Variants in CELF2 observed in about 807,000 individuals in gnomAD.
CELF2 encodes the protein CUGBP Elav-like family member 2.
CELF2 carries 8 observed loss-of-function variants against 62.6 expected under a neutral mutation model. The ratio of observed to expected loss-of-function variants is 0.13; its 90% CI spans 0.07 to 0.23. The LOEUF (loss-of-function observed/expected upper bound fraction) is 0.23. Among genes scored for constraint, CELF2 ranks in the 10% least tolerant of loss-of-function variants. The probability of loss-of-function intolerance (pLI) is 1.00; values close to 1 mark genes in which losing one functional copy is unlikely to be tolerated. For missense variants in CELF2, 333 were observed against 671.0 expected (o/e 0.50, Z 5.56); for synonymous variants, 258 against 250.0 (o/e 1.03, Z -0.30).
Position 11,315,738 on chromosome 10 carries a change from G to A in CELF2, c.1096+1480G>A, listed in dbSNP as rs1466775739. On this transcript the variant is annotated intron_variant, in intron 10 of 12. Coordinates refer to ENST00000633077, the MANE Select transcript of CELF2 (RefSeq NM_001326342.2). The surrounding 1 kb of genome is among the most constrained non-coding windows in gnomAD (Gnocchi z 5.8). The stretch of plus-strand genomic sequence containing the variant: ...TTTATTCCAGTTAGAACCGCCTCCA[G>A]CTTTGACTTTTCCAGCAGCCAAGTA... Among the ~76,000 whole-genome samples the A allele has an allele frequency of 6.6e-6, 1 of 152,200 alleles. No homozygotes were observed. Among genetic ancestry groups the A allele is most frequent in the African/African-American group, 2.4e-5 (1 of 41,454 alleles).
Position 11,039,673 on chromosome 10 carries a change from G to A in CELF2, c.74+21510G>A, listed in dbSNP as rs995951104. Among the ~76,000 whole-genome samples, 3 of 152,162 alleles carry A rather than the reference G, an allele frequency of 2.0e-5. No individual in the cohort carries two copies. Among genetic ancestry groups the A allele is most frequent in the African/African-American group, 7.2e-5 (3 of 41,438 alleles). ...CCACTCAATGGAAGATAGGTTAAGTGTACTTCATAATTTTGATCATTGAAC... is the reference window on the plus strand; with the variant it reads ...CCACTCAATGGAAGATAGGTTAAGTATACTTCATAATTTTGATCATTGAAC... On this transcript the variant is annotated intron_variant, in intron 1 of 12. Transcript: ENST00000633077. This position sits in a 1 kb window ranked among gnomAD's most constrained non-coding sequence, Gnocchi z 4.1.
chr10:11,026,382 C>T (rs946546232), intron 1 of CELF2, among the ~76,000 whole-genome samples: 3 of 152,324 alleles, frequency 2.0e-5, no homozygotes, highest in East Asian at 1.9e-4. Context: ...CCGCCTCCCC[C>T]GCCACACACA....
the CELF2 span, among the ~76,000 whole-genome samples, chr10:10,593,099 A>G: frequency 3.3e-4 from 50 of 152,296 alleles, no homozygotes; most frequent in African/African-American, 1.1e-3. Context: ...CACAGCCAAC[A>G]AGCAGAGTGC....
chr10:10,635,054 C>T, the CELF2 span, among the ~76,000 whole-genome samples: 1 of 152,114 alleles, frequency 6.6e-6, no homozygotes, highest in Non-Finnish European at 1.5e-5. Flanking sequence ...GCAATTAAAT[C>T]CCACAAGTGC....
intron 12 of CELF2, among the ~76,000 whole-genome samples, chr10:11,327,429 T>C (rs549099980): frequency 6.6e-6 from 1 of 152,344 alleles, no homozygotes; most frequent in African/African-American, 2.4e-5. Context: ...TAGCTGTTAG[T>C]GTCAGCAGAC....
chr10:11,038,347 A>T (rs2061303683), intron 1 of CELF2, among the ~76,000 whole-genome samples: 1 of 152,236 alleles, frequency 6.6e-6, no homozygotes, highest in Non-Finnish European at 1.5e-5. Context: ...CTAAGAATGC[A>T]TCTAAAGTGG....
At chr10:11,001,985 T>A (rs12412479), upstream of CELF2, among the ~76,000 whole-genome samples, 40 of 152,316 alleles carry the variant, frequency 2.6e-4, no homozygotes, top group Non-Finnish European at 4.4e-4. Flanking sequence ...AGTCAGAAAC[T>A]GCTTAAGCAA....
At chr10:10,547,673 T>TAGAGAGAGAGAGAGAGAG in the CELF2 span, among the ~76,000 whole-genome samples, 1 of 135,260 alleles carries the variant, frequency 7.4e-6, no homozygotes, top group African/African-American at 2.9e-5. Context: ...ACCAAAAAGA[T>TAGAGAGAGAGAGAGAGAG]AGAGAGAGAG....
At chr10:10,734,531 G>A in the CELF2 span, among the ~76,000 whole-genome samples, 1 of 152,184 alleles carries the variant, frequency 6.6e-6, no homozygotes, top group Admixed American at 6.5e-5. Context: ...AAGCCTGGAT[G>A]TCCTCTGTAA....
chr10:10,833,084 T>A (rs2058009241), intron 1 of CELF2, among the ~76,000 whole-genome samples: 1 of 151,194 alleles, frequency 6.6e-6, no homozygotes, highest in Non-Finnish European at 1.5e-5. Flanking sequence ...AAGAAAAAAA[T>A]TTAGCAAAAA....
At chr10:10,920,547 G>T (rs994893516) in intron 2 of CELF2, among the ~76,000 whole-genome samples, 2 of 152,186 alleles carry the variant, frequency 1.3e-5, no homozygotes, top group Non-Finnish European at 2.9e-5. Context: ...ATTGATCATT[G>T]TGCTTTATAT....
At chr10:10,517,795 C>G in the CELF2 span, among the ~76,000 whole-genome samples, 1 of 152,168 alleles carries the variant, frequency 6.6e-6, no homozygotes, top group Non-Finnish European at 1.5e-5. Flanking sequence ...AAAAGCAATC[C>G]CACTATGGCA....
At chr10:11,221,471 A>G (rs945468228) in intron 3 of CELF2, among the ~76,000 whole-genome samples, 1 of 152,264 alleles carries the variant, frequency 6.6e-6, no homozygotes, top group African/African-American at 2.4e-5. Context: ...TTCAATAATC[A>G]GATGTCAGGG....
intron 1 of CELF2, among the ~76,000 whole-genome samples, chr10:11,040,101 A>T (rs1003247333): frequency 6.6e-6 from 1 of 152,226 alleles, no homozygotes; most frequent in Non-Finnish European, 1.5e-5. Context: ...ATGGGACCAC[A>T]TGATTGTTGA....
At chr10:11,100,606 C>G (rs12263761) in intron 1 of CELF2, among the ~76,000 whole-genome samples, 20,672 of 151,878 alleles carry the variant, frequency 0.14, 2,657 homozygotes, top group African/African-American at 0.34. Flanking sequence ...AAAGATGATA[C>G]TCAACCCATC....
the CELF2 span, among the ~76,000 whole-genome samples, chr10:10,590,708 A>C: frequency 6.6e-6 from 1 of 152,110 alleles, no homozygotes; most frequent in African/African-American, 2.4e-5. Context: ...TTCATGTTAG[A>C]TCTACCAGCA....
At chr10:11,226,727 T>C (rs1284374268) in intron 3 of CELF2, among the ~76,000 whole-genome samples, 4 of 152,056 alleles carry the variant, frequency 2.6e-5, no homozygotes, top group Admixed American at 2.6e-4. Flanking sequence ...CTTGCACAGG[T>C]CCTGAAAAAC....
At chr10:10,496,224 C>A in the CELF2 span, among the ~76,000 whole-genome samples, 2 of 152,204 alleles carry the variant, frequency 1.3e-5, no homozygotes, top group South Asian at 2.1e-4. Flanking sequence ...ATAAGCCACA[C>A]TTTCCTTCTA....
intron 1 of CELF2, among the ~76,000 whole-genome samples, chr10:10,911,991 G>A (rs1340880284): frequency 6.6e-6 from 1 of 152,230 alleles, no homozygotes; most frequent in Admixed American, 6.5e-5. Flanking sequence ...TAGCTGATCA[G>A]CATTTTGAAT....
Sources: gnomAD v4.1 joint callset for allele counts (sites outside exome capture counted in the v4.1 genomes callset) on GRCh38, gnomAD v4.1.1 for gene constraint, Gnocchi (gnomAD v3.1) non-coding constraint, MANE v1.5 for transcripts, NCBI Gene and HGNC (gene_info 2026-07-23, HGNC 2026-07-21) for gene names.